Variants in CARMIL1 observed in about 807,000 individuals in gnomAD.
CARMIL1 encodes F-actin-uncapping protein LRRC16A.
A neutral mutation model predicts 177.1 loss-of-function variants in CARMIL1; 90 were observed. That is an observed-to-expected ratio of 0.51 (90% CI 0.43 to 0.61). CARMIL1 has a LOEUF of 0.61. CARMIL1 is among the 20% of genes least tolerant of loss of function. CARMIL1 has a pLI of 0.00. For missense variants in CARMIL1, 1,380 were observed against 1,667.0 expected (o/e 0.83, Z 3.00); for synonymous variants, 577 against 606.2 (o/e 0.95, Z 0.71).
chr6:25,373,589 CTTTT>C (rs200205287), intron 2 of CARMIL1, among the ~76,000 whole-genome samples: 1 of 141,370 alleles, frequency 7.1e-6, no homozygotes. Flanking sequence ...CTCTCTCTCT[CTTTT>C]TTTTTTTTTT....
At chr6:25,469,845 A>G (rs1040200204) in intron 9 of CARMIL1, among the ~76,000 whole-genome samples, 1 of 152,200 alleles carries the variant, frequency 6.6e-6, no homozygotes, top group African/African-American at 2.4e-5. Flanking sequence ...GATTACAGGC[A>G]CAAGCCAAAA....
intron 12 of CARMIL1, among the ~76,000 whole-genome samples, chr6:25,483,836 T>G (rs1314303387): frequency 6.6e-6 from 1 of 152,070 alleles, no homozygotes; most frequent in East Asian, 1.9e-4. Context: ...GGTACGATCT[T>G]GGCTTATTGC....
chr6:25,465,866 C>T lies in CARMIL1; in HGVS notation c.615-7C>T. On this transcript the variant is annotated splice_region_variant and splice_polypyrimidine_tract_variant and intron_variant, in intron 8 of 36. Coordinates refer to ENST00000329474, the MANE Select transcript of CARMIL1 (RefSeq NM_017640.6). ...ACTTTCATGTACTTTGTTGTTTCTGCTTCCAGGGACCTAATACCTATCATT... is the reference window on the plus strand; with the variant it reads ...ACTTTCATGTACTTTGTTGTTTCTGTTTCCAGGGACCTAATACCTATCATT... 1.9e-6 allele frequency: 3 copies of T among 1,598,140 alleles called. No individual in the cohort carries two copies. Among genetic ancestry groups the T allele is most frequent in the Non-Finnish European group, 2.6e-6 (3 of 1,165,994 alleles).
intron 31 of CARMIL1, among the ~76,000 whole-genome samples, chr6:25,593,381 T>C (rs1814505603): frequency 6.6e-6 from 1 of 152,260 alleles, no homozygotes; most frequent in African/African-American, 2.4e-5. Flanking sequence ...TGGGCCATGC[T>C]GCTGCATTGG....
In CARMIL1 at chr6:25,609,693, T is replaced by C. The variant is rs188126283; in HGVS notation, c.3848-357T>C. Among the ~76,000 whole-genome samples the C allele has an allele frequency of 6.7e-3, 1,026 of 152,350 alleles. 7 individuals are homozygous for C. Among genetic ancestry groups the C allele is most frequent in the Middle Eastern group, 0.031 (9 of 294 alleles). ...TGGGTTTGACAACAGGTAAAGGCAG[T>C]GTCTTATAAATATTACATATTTTAT... On this transcript the variant is annotated intron_variant, in intron 35 of 36. Coordinates refer to ENST00000329474, the MANE Select transcript of CARMIL1 (RefSeq NM_017640.6).
intron 16 of CARMIL1, among the ~76,000 whole-genome samples, chr6:25,496,423 A>G (rs1204869053): frequency 6.9e-6 from 1 of 145,890 alleles, no homozygotes; most frequent in Non-Finnish European, 1.5e-5. Context: ...GGTTGCAGTG[A>G]GCTGAGATTG....
At chr6:25,523,650 T>A (rs1297696812) in intron 23 of CARMIL1, among the ~76,000 whole-genome samples, 27 of 152,202 alleles carry the variant, frequency 1.8e-4, no homozygotes, top group Admixed American at 1.8e-3. Flanking sequence ...TTGGAAGTTA[T>A]CACTCCCATC....
At chr6:25,389,234 A>C (rs1419588946) in intron 2 of CARMIL1, 1 of 152,224 alleles carries the variant, frequency 6.6e-6, no homozygotes, top group Non-Finnish European at 1.5e-5. Context: ...TCTTAATTGG[A>C]GTCTATAAGC....
Position 25,472,506 on chromosome 6 carries a change from C to T in CARMIL1, c.859C>T (p.Pro287Ser). 6.3e-7 allele frequency: 1 copy of T among 1,576,682 alleles called. No homozygotes were observed. The highest frequency in any genetic ancestry group is 8.6e-7 in the Non-Finnish European group (1 of 1,160,166). ...GLHTINLAGNPLEDRGVSSLS... is the reference protein window; with the variant it reads ...GLHTINLAGNSLEDRGVSSLS... ...CCACACAATTAACCTTGCTGGCAACCCACTGGAGGATAGAGGTACTGCAGA... is the reference window on the plus strand; with the variant it reads ...CCACACAATTAACCTTGCTGGCAACTCACTGGAGGATAGAGGTACTGCAGA... Residue 287 changes from proline to serine, a missense_variant, in exon 11 of 37, where the codon CCA becomes TCA. Pro to Ser is a moderately conservative substitution (Grantham distance 74, BLOSUM62 -1). Coordinates refer to ENST00000329474, the MANE Select transcript of CARMIL1 (RefSeq NM_017640.6).
chr6:25,610,700 C>T (rs1356193077), intron 36 of CARMIL1, among the ~76,000 whole-genome samples: 3 of 152,170 alleles, frequency 2.0e-5, no homozygotes, highest in South Asian at 2.1e-4. Context: ...ATTCTCAGGG[C>T]GACCCTGCAC....
At chr6:25,579,961 C>A (rs1812978467) in intron 29 of CARMIL1, among the ~76,000 whole-genome samples, 1 of 152,106 alleles carries the variant, frequency 6.6e-6, no homozygotes, top group African/African-American at 2.4e-5. Flanking sequence ...AAACTAAGTT[C>A]TTTCAGTTAT....
intron 2 of CARMIL1, among the ~76,000 whole-genome samples, chr6:25,355,173 A>C (rs1358620902): frequency 6.6e-6 from 1 of 152,214 alleles, no homozygotes; most frequent in Non-Finnish European, 1.5e-5. Context: ...TTTAGAGTCA[A>C]CATAAATATA....
At chr6:25,408,262 C>T (rs1023532773) in intron 2 of CARMIL1, among the ~76,000 whole-genome samples, 8 of 147,774 alleles carry the variant, frequency 5.4e-5, no homozygotes, top group South Asian at 2.2e-4. Flanking sequence ...CACTCCAGCC[C>T]GGGTGACAGT....
chr6:25,491,672 G>C, intron 13 of CARMIL1, 60 bp from the exon 14 acceptor site: 3 of 1,039,912 alleles, frequency 2.9e-6, no homozygotes, highest in Non-Finnish European at 4.3e-6. Flanking sequence ...ACATTAACTT[G>C]CATTGTGTGT....
chr6:25,465,519 CAAAA>C, intron 8 of CARMIL1: 1 of 142,484 alleles, frequency 7.0e-6, no homozygotes, highest in Non-Finnish European at 1.4e-5. Context: ...GACCCTGTCT[CAAAA>C]AAAAAAAAAG....
chr6:25,353,276 C>T (rs1050145863), intron 2 of CARMIL1, among the ~76,000 whole-genome samples: 1 of 152,178 alleles, frequency 6.6e-6, no homozygotes, highest in Non-Finnish European at 1.5e-5. Context: ...TTTTGAGTCT[C>T]AACAATCCTA....
At chr6:25,391,047 A>G (rs546050754) in intron 2 of CARMIL1, among the ~76,000 whole-genome samples, 7 of 152,346 alleles carry the variant, frequency 4.6e-5, no homozygotes. Context: ...TTGTGAAAAA[A>G]CTTTAAAGTT....
At chr6:25,300,309 C>T (rs967490804) in intron 2 of CARMIL1, among the ~76,000 whole-genome samples, 4 of 152,112 alleles carry the variant, frequency 2.6e-5, no homozygotes, top group African/African-American at 9.7e-5. Context: ...AAGATCAGAC[C>T]AGTGGTTCTC....
chr6:25,526,425 G>A (rs1807146042), intron 23 of CARMIL1, among the ~76,000 whole-genome samples: 1 of 150,794 alleles, frequency 6.6e-6, no homozygotes, highest in East Asian at 2.0e-4. Context: ...TAAAAAAATA[G>A]GTGACTTTAA....
Sources: allele counts gnomAD v4.1 joint callset (sites outside exome capture counted in the v4.1 genomes callset), GRCh38; gene constraint gnomAD v4.1.1; transcripts MANE v1.5; gene names NCBI Gene and HGNC (gene_info 2026-07-23, HGNC 2026-07-21).